Variants in ADCY8 observed in about 807,000 individuals in gnomAD.
ADCY8 encodes adenylate cyclase type 8.
In ADCY8, 51 loss-of-function variants were observed where a neutral mutation model predicts 119.7. The ratio of observed to expected loss-of-function variants is 0.43; its 90% CI spans 0.34 to 0.54. The LOEUF (loss-of-function observed/expected upper bound fraction) is 0.54. ADCY8 is among the 20% of genes least tolerant of loss of function. The pLI is 0.03. For synonymous variants in ADCY8, 665 were observed against 651.0 expected (o/e 1.02, Z -0.33); for missense variants, 1,383 against 1,598.8 (o/e 0.87, Z 2.30).
chr8:130,808,166 T>C (rs1314811022), intron 14 of ADCY8, among the ~76,000 whole-genome samples: 4 of 152,122 alleles, frequency 2.6e-5, no homozygotes, highest in Admixed American at 6.5e-5. Context: ...ATATATTTAT[T>C]TATTTGCTTC....
At chr8:130,903,077 T>G (rs140281816) in intron 7 of ADCY8, among the ~76,000 whole-genome samples, 2,762 of 152,260 alleles carry the variant, frequency 0.018, 46 homozygotes, top group South Asian at 0.043. Flanking sequence ...GTTCTCTAAG[T>G]GCCTCTTGGA....
At chr8:130,837,376 G>A (rs866917806) in intron 11 of ADCY8, among the ~76,000 whole-genome samples, 1 of 152,054 alleles carries the variant, frequency 6.6e-6, no homozygotes, top group South Asian at 2.1e-4. Flanking sequence ...TCATCCATAT[G>A]CCTAGGGCTT....
chr8:130,917,763 T>TTG (rs146136196), intron 5 of ADCY8, among the ~76,000 whole-genome samples: 9,603 of 147,330 alleles, frequency 0.065, 349 homozygotes, highest in African/African-American at 0.1. Flanking sequence ...CACAGGGAGT[T>TTG]TGTGTGTGTG....
At chr8:130,986,471 G>C (rs1010990881) in intron 2 of ADCY8, among the ~76,000 whole-genome samples, 1 of 152,176 alleles carries the variant, frequency 6.6e-6, no homozygotes, top group Admixed American at 6.5e-5. Flanking sequence ...AGATTGTGGA[G>C]AGAGAGAGAA....
At chr8:130,858,037 A>G (rs1255726209) in intron 9 of ADCY8, among the ~76,000 whole-genome samples, 1 of 152,224 alleles carries the variant, frequency 6.6e-6, no homozygotes, top group Non-Finnish European at 1.5e-5. Context: ...GGGAACTTCT[A>G]TAATGTGGCT....
chr8:130,903,811 G>A lies in ADCY8; in HGVS notation c.1872C>T (p.Ser624=), dbSNP rs1447266395. 14 of 1,613,228 alleles carry A rather than the reference G, an allele frequency of 8.7e-6. No individual in the cohort carries two copies. Among genetic ancestry groups the A allele is most frequent in the Non-Finnish European group, 1.2e-5 (14 of 1,179,968 alleles). Residue 624 remains serine (S), a synonymous_variant, in exon 7 of 18, where the codon AGC becomes AGT. Transcript: ENST00000286355. ...CGATATTATCAAAGGGCAGTTCAGG[G>A]CTCCAGGATCCTTCAGTGAATGTGG... ...SGATFTEGSW[S]PELPFDNIVG...
At chr8:130,798,860 A>C (rs944969373) in intron 15 of ADCY8, among the ~76,000 whole-genome samples, 1 of 152,114 alleles carries the variant, frequency 6.6e-6, no homozygotes, top group Non-Finnish European at 1.5e-5. Flanking sequence ...ACTTCCATTG[A>C]GAAATGAATG....
intron 1 of ADCY8, among the ~76,000 whole-genome samples, chr8:131,033,578 A>G (rs1359859303): frequency 1.3e-5 from 2 of 152,130 alleles, no homozygotes; most frequent in African/African-American, 4.8e-5. Flanking sequence ...AAACAAATTC[A>G]TAATTCAATC....
chr8:130,823,379 T>G (rs1487073776), intron 12 of ADCY8, among the ~76,000 whole-genome samples: 1 of 152,178 alleles, frequency 6.6e-6, no homozygotes, highest in African/African-American at 2.4e-5. Flanking sequence ...AAGTTTTTAT[T>G]TTTGTAGTTT....
At chr8:131,026,850 C>A (rs1013952992) in intron 1 of ADCY8, among the ~76,000 whole-genome samples, 1 of 152,186 alleles carries the variant, frequency 6.6e-6, no homozygotes, top group Non-Finnish European at 1.5e-5. Flanking sequence ...GATTTAAATA[C>A]TCCATGTGTA....
At chr8:130,917,482 A>G (rs1199741368) in intron 5 of ADCY8, among the ~76,000 whole-genome samples, 1 of 152,176 alleles carries the variant, frequency 6.6e-6, no homozygotes, top group Non-Finnish European at 1.5e-5. Context: ...AATGGGGAAG[A>G]CCTAACTGCA....
At chr8:130,811,586 A>G (rs1435776748) in intron 14 of ADCY8, among the ~76,000 whole-genome samples, 3 of 152,176 alleles carry the variant, frequency 2.0e-5, no homozygotes, top group African/African-American at 7.2e-5. Context: ...TGCCTCTCAG[A>G]CAATCCATAT....
intron 2 of ADCY8, among the ~76,000 whole-genome samples, chr8:130,978,170 A>G (rs1822131247): frequency 6.6e-6 from 1 of 152,194 alleles, no homozygotes; most frequent in African/African-American, 2.4e-5. Flanking sequence ...TGTCCCTTGC[A>G]TATTCCAAAG....
At chr8:131,033,911 A>AGGT (rs1416205551) in intron 1 of ADCY8, among the ~76,000 whole-genome samples, 1 of 152,130 alleles carries the variant, frequency 6.6e-6, no homozygotes, top group African/African-American at 2.4e-5. Flanking sequence ...TCTCTTGGGA[A>AGGT]GGTTGACACT....
chr8:131,009,113 G>A (rs765607980), intron 1 of ADCY8, among the ~76,000 whole-genome samples: 7 of 152,334 alleles, frequency 4.6e-5, no homozygotes, highest in South Asian at 2.1e-4. Flanking sequence ...GGAGAAATTT[G>A]CATAAGTAAC....
intron 1 of ADCY8, among the ~76,000 whole-genome samples, chr8:131,003,416 A>G (rs932821345): frequency 1.3e-5 from 2 of 152,242 alleles, no homozygotes; most frequent in Admixed American, 1.3e-4. Flanking sequence ...AACATATTCA[A>G]AATGTCTATT....
chr8:130,951,750 C>A, intron 3 of ADCY8, 118 bp downstream of exon 3: 1 of 1,262,972 alleles, frequency 7.9e-7, no homozygotes, highest in South Asian at 1.5e-5. Context: ...ATGAATTAAT[C>A]AACCAGATGA....
chr8:130,965,110 T>C (rs7464003), intron 2 of ADCY8, among the ~76,000 whole-genome samples: 9,102 of 152,264 alleles, frequency 0.06, 933 homozygotes, highest in African/African-American at 0.21. Context: ...TATTTCATTC[T>C]GTAGAAATGG....
Position 130,817,004 on chromosome 8 carries a change from A to T in ADCY8, c.2755-2777T>A, listed in dbSNP as rs370035697. On this transcript the variant is annotated intron_variant, in intron 13 of 17. Coordinates refer to ENST00000286355, the MANE Select transcript of ADCY8 (RefSeq NM_001115.3). Reference sequence around the variant, plus strand: ...CCTACACAGAGAGGAACTATATCAGATGTCCTTTTGCACAATAATTTGATG... The same window carrying T: ...CCTACACAGAGAGGAACTATATCAGTTGTCCTTTTGCACAATAATTTGATG... 9.2e-5 allele frequency among the ~76,000 whole-genome samples: 14 copies of T among 152,332 alleles called. No individual in the cohort carries two copies. In the East Asian group the frequency reaches 2.1e-3, roughly 23 times the overall value.
Sources: allele counts gnomAD v4.1 joint callset (sites outside exome capture counted in the v4.1 genomes callset), GRCh38; gene constraint gnomAD v4.1.1; transcripts MANE v1.5; gene names NCBI Gene and HGNC (gene_info 2026-07-23, HGNC 2026-07-21).